Variants in WHRN observed in about 807,000 individuals in gnomAD.
The protein encoded by WHRN is CASK-interacting protein CIP98.
A neutral mutation model predicts 68.3 loss-of-function variants in WHRN; 41 were observed. That is an observed-to-expected ratio of 0.60 (90% CI 0.47 to 0.78). WHRN has a LOEUF of 0.78. WHRN is among the 30% of genes least tolerant of loss of function. WHRN has a pLI of 0.00. For missense variants in WHRN, 1,243 were observed against 1,244.7 expected, an observed-to-expected ratio of 1.00 and a Z score of 0.02; for synonymous variants, 560 against 561.3, an observed-to-expected ratio of 1.00 and a Z score of 0.03.
chr9:114,503,291 C>T, intron 1 of WHRN: 1 of 760,078 alleles, frequency 1.3e-6, no homozygotes, highest in Non-Finnish European at 1.6e-6. Context: ...GAGCATGTGT[C>T]CCTTTTCCCC....
chr9:114,417,886 G>A (rs1424186015), intron 7 of WHRN, among the ~76,000 whole-genome samples: 1 of 152,224 alleles, frequency 6.6e-6, no homozygotes, highest in Non-Finnish European at 1.5e-5. Flanking sequence ...TCCTGATGCA[G>A]AGAAGACTCT....
At chr9:114,442,799 C>A (rs775012858) in intron 3 of WHRN, among the ~76,000 whole-genome samples, 17 of 152,194 alleles carry the variant, frequency 1.1e-4, no homozygotes, top group Non-Finnish European at 1.8e-4. Flanking sequence ...GCACGGCCTG[C>A]AGAACAGTGA....
chr9:114,459,295 T>TA (rs1840053966), intron 3 of WHRN, among the ~76,000 whole-genome samples: 2 of 72,654 alleles, frequency 2.8e-5, no homozygotes, highest in Admixed American at 3.4e-4. Flanking sequence ...CTGTTTCTAC[T>TA]AAAAATACAA....
At chr9:114,427,654 C>T (rs756153776) in intron 3 of WHRN, among the ~76,000 whole-genome samples, 1 of 152,212 alleles carries the variant, frequency 6.6e-6, no homozygotes, top group Non-Finnish European at 1.5e-5. Flanking sequence ...GATTACCAGG[C>T]TGAGAACCAA....
intron 3 of WHRN, among the ~76,000 whole-genome samples, chr9:114,459,188 T>C (rs1309228337): frequency 1.3e-5 from 2 of 152,150 alleles, no homozygotes; most frequent in Admixed American, 1.3e-4. Context: ...CCAGGCATGG[T>C]GGCTCACATC....
chr9:114,440,251 T>G (rs1015790676), intron 3 of WHRN, among the ~76,000 whole-genome samples: 1 of 152,028 alleles, frequency 6.6e-6, no homozygotes, highest in Non-Finnish European at 1.5e-5. Context: ...AGAAATTTTT[T>G]TTTTGAGATG....
chr9:114,479,938 C>T (rs912534322), intron 1 of WHRN, among the ~76,000 whole-genome samples: 6 of 152,166 alleles, frequency 3.9e-5, no homozygotes, highest in Non-Finnish European at 8.8e-5. Context: ...TGGTGGGCAC[C>T]TGTAATCCCA....
intron 1 of WHRN, among the ~76,000 whole-genome samples, chr9:114,490,473 G>A (rs1480009915): frequency 6.6e-6 from 1 of 152,092 alleles, no homozygotes; most frequent in East Asian, 1.9e-4. Flanking sequence ...AAAAACCAAC[G>A]GCTGGATAGG....
At chr9:114,488,827 G>C (rs1842743144) in intron 1 of WHRN, among the ~76,000 whole-genome samples, 2 of 152,086 alleles carry the variant, frequency 1.3e-5, no homozygotes, top group African/African-American at 4.8e-5. Flanking sequence ...CTCTTACAGG[G>C]ACCACTAACT....
intron 3 of WHRN, among the ~76,000 whole-genome samples, chr9:114,441,453 A>C (rs191248369): frequency 6.6e-5 from 10 of 152,308 alleles, no homozygotes; most frequent in South Asian, 6.2e-4. Flanking sequence ...CCAGATCTTG[A>C]TATCTAAATG....
rs758053078 is a variant in WHRN at position 114,406,784 on chromosome 9, C to T, written c.1807G>A (p.Gly603Arg). The T allele has an allele frequency of 2.5e-6, 4 of 1,613,778 alleles. No individual in the cohort carries two copies. The highest frequency in any genetic ancestry group is 3.3e-5 in the Admixed American group (2 of 59,976). Residue 603 changes from glycine (G) to arginine (R), a missense_variant, in exon 9 of 12, where the codon GGG (glycine) becomes AGG (arginine). Coordinates refer to ENST00000362057, the MANE Select transcript of WHRN (RefSeq NM_015404.4). ...GAAGGTGGCTGGAGGTCCTCTCTCC[C>T]CAGCTTCCTTGGCTGGCCTAGTGGG... ...DLPLGQPRKL[G>R]REDLQPPSSM...
chr9:114,444,684 T>C (rs1838666151), intron 3 of WHRN, among the ~76,000 whole-genome samples: 1 of 151,988 alleles, frequency 6.6e-6, no homozygotes, highest in Admixed American at 6.6e-5. Context: ...ATATTCCTCT[T>C]TTTAAAAAAG....
intron 7 of WHRN, among the ~76,000 whole-genome samples, chr9:114,408,926 C>T (rs543945418): frequency 1.1e-4 from 17 of 152,316 alleles, no homozygotes; most frequent in African/African-American, 3.8e-4. Flanking sequence ...GGCAAATTTG[C>T]GCGCTCTTCT....
Position 114,472,441 on chromosome 9 carries a change from A to G in WHRN, c.838-6049T>C, listed in dbSNP as rs76751128. Among the ~76,000 whole-genome samples the G allele has an allele frequency of 8.3e-3, 1,270 of 152,258 alleles. 30 individuals carry two copies. Among genetic ancestry groups the G allele is most frequent in the East Asian group, 0.072 (374 of 5,176 alleles). On this transcript the variant is annotated intron_variant, in intron 2 of 11. Transcript: ENST00000362057. The stretch of plus-strand genomic sequence containing the variant: ...CCCAGATAGGACGGATCCGTGTATG[A>G]TCATTTCCTTGTCAGCTTCAGATCC...
chr9:114,466,545 T>C (rs577414169), intron 2 of WHRN, among the ~76,000 whole-genome samples, 153 bp from the exon 3 acceptor site: 1 of 152,154 alleles, frequency 6.6e-6, no homozygotes, highest in African/African-American at 2.4e-5. Flanking sequence ...CCCTAGAACA[T>C]TCCAGTTCCT....
At chr9:114,473,736 T>C (rs1240631163) in intron 2 of WHRN, among the ~76,000 whole-genome samples, 6 of 152,090 alleles carry the variant, frequency 3.9e-5, no homozygotes, top group African/African-American at 1.4e-4. Context: ...GTGTGGTATG[T>C]GGAAGCAATA....
At chr9:114,477,862 GC>G (rs1841780041) in intron 2 of WHRN, among the ~76,000 whole-genome samples, 2 of 152,184 alleles carry the variant, frequency 1.3e-5, no homozygotes, top group Non-Finnish European at 2.9e-5. Flanking sequence ...ATTCCTGGCA[GC>G]TATGTGTGGC....
At chr9:114,443,270 A>T (rs918922498) in intron 3 of WHRN, among the ~76,000 whole-genome samples, 5 of 152,258 alleles carry the variant, frequency 3.3e-5, no homozygotes, top group African/African-American at 1.2e-4. Flanking sequence ...GGTTTAAAAC[A>T]ACACGAATTT....
chr9:114,409,082 T>C (rs1445290547), intron 7 of WHRN, among the ~76,000 whole-genome samples: 1 of 152,242 alleles, frequency 6.6e-6, no homozygotes, highest in African/African-American at 2.4e-5. Context: ...ACCTCCATCA[T>C]TGCGTGGGCC....
Sources: gnomAD v4.1 joint callset for allele counts (sites outside exome capture counted in the v4.1 genomes callset) on GRCh38, gnomAD v4.1.1 for gene constraint, MANE v1.5 for transcripts, NCBI Gene and HGNC (gene_info 2026-07-23, HGNC 2026-07-21) for gene names.